The following NKAIN2 variants were observed in gnomAD, a reference collection of about 807,000 sequenced individuals.
The protein encoded by NKAIN2 is sodium/potassium transporting ATPase interacting 2, also known as sodium/potassium-transporting ATPase subunit beta-1-interacting protein 2.
NKAIN2 carries 14 observed loss-of-function variants against 32.6 expected under a neutral mutation model. The observed-to-expected ratio is 0.43, with a 90% CI of 0.28 to 0.67. The LOEUF (loss-of-function observed/expected upper bound fraction) is 0.67, where lower values mean the gene tolerates loss of function less well. Ranked by LOEUF, NKAIN2 falls within the 30% of genes least tolerant of loss-of-function variation. NKAIN2 has a pLI of 0.17. For synonymous variants in NKAIN2, 80 were observed against 87.2 expected (o/e 0.92, Z 0.46); for missense variants, 198 against 258.3 (o/e 0.77, Z 1.60).
intron 3 of NKAIN2, among the ~76,000 whole-genome samples, chr6:124,360,394 T>C (rs1799227155): frequency 1.3e-5 from 2 of 152,118 alleles, no homozygotes; most frequent in South Asian, 4.1e-4. Flanking sequence ...GAAATTATAG[T>C]AATCAACCAA....
chr6:124,194,319 T>C (rs1790195211), intron 1 of NKAIN2, among the ~76,000 whole-genome samples: 1 of 152,124 alleles, frequency 6.6e-6, no homozygotes, highest in East Asian at 1.9e-4. Flanking sequence ...GCCATACCAT[T>C]TTTTTGTGTT....
At chr6:124,616,872 A>G (rs1474989305) in intron 3 of NKAIN2, among the ~76,000 whole-genome samples, 1 of 151,934 alleles carries the variant, frequency 6.6e-6, no homozygotes, top group East Asian at 1.9e-4. Context: ...CTGTATCTTG[A>G]CATATGCGTG....
intron 1 of NKAIN2, among the ~76,000 whole-genome samples, chr6:123,979,412 A>G (rs899140214): frequency 1.3e-5 from 2 of 152,020 alleles, no homozygotes; most frequent in African/African-American, 4.8e-5. Flanking sequence ...TATCTTCCCT[A>G]TTTCAGGACT....
chr6:124,548,989 G>C (rs966363715), intron 3 of NKAIN2, among the ~76,000 whole-genome samples: 17 of 152,234 alleles, frequency 1.1e-4, no homozygotes, highest in African/African-American at 3.4e-4. Context: ...GAAAATGGAA[G>C]GTGAGGAGCT....
chr6:124,682,170 G>C (rs1049726003), intron 4 of NKAIN2, among the ~76,000 whole-genome samples: 2 of 151,700 alleles, frequency 1.3e-5, no homozygotes, highest in Admixed American at 1.3e-4. Flanking sequence ...TAGTAACACA[G>C]TTAAATGAAA....
intron 2 of NKAIN2, among the ~76,000 whole-genome samples, chr6:124,302,042 C>T (rs1423353836): frequency 1.3e-5 from 2 of 152,176 alleles, no homozygotes; most frequent in Non-Finnish European, 2.9e-5. Flanking sequence ...TCCCCCATGT[C>T]AAGGGTGGGG....
chr6:124,559,144 T>G (rs975228900), intron 3 of NKAIN2, among the ~76,000 whole-genome samples: 11 of 152,218 alleles, frequency 7.2e-5, no homozygotes, highest in Admixed American at 6.5e-4. Flanking sequence ...TTTATTGGAC[T>G]GATATGAATC....
chr6:124,640,966 G>A (rs1783964073), intron 3 of NKAIN2, among the ~76,000 whole-genome samples: 1 of 151,322 alleles, frequency 6.6e-6, no homozygotes, highest in African/African-American at 2.4e-5. Flanking sequence ...AAAATTCTTT[G>A]TATTCTAGCA....
chr6:123,890,480 C>T (rs958483442), intron 1 of NKAIN2, among the ~76,000 whole-genome samples: 8 of 151,864 alleles, frequency 5.3e-5, no homozygotes, highest in South Asian at 2.1e-4. Context: ...GCATCACCAC[C>T]GAGAGCTGGT....
At chr6:124,721,233 T>C (rs1776002992) in intron 4 of NKAIN2, among the ~76,000 whole-genome samples, 1 of 151,362 alleles carries the variant, frequency 6.6e-6, no homozygotes, top group Non-Finnish European at 1.5e-5. Flanking sequence ...TGAAACCCCG[T>C]CTCTACTAAA....
chr6:124,498,102 G>C (rs142650207), intron 3 of NKAIN2, among the ~76,000 whole-genome samples: 258 of 152,198 alleles, frequency 1.7e-3, no homozygotes, highest in African/African-American at 6.1e-3. Flanking sequence ...CATTTTTTAA[G>C]CCCAAAAGAC....
chr6:124,453,342 C>CACACACACACACAT (rs1342310482), intron 3 of NKAIN2, among the ~76,000 whole-genome samples: 2 of 117,696 alleles, frequency 1.7e-5, no homozygotes, highest in African/African-American at 5.6e-5. Context: ...CACACACACA[C>CACACACACACACAT]ACACACACAC....
At chr6:124,518,075 C>G (rs1778981186) in intron 3 of NKAIN2, among the ~76,000 whole-genome samples, 1 of 151,628 alleles carries the variant, frequency 6.6e-6, no homozygotes, top group Non-Finnish European at 1.5e-5. Context: ...ATTTTTATTT[C>G]TTTCAAAAAT....
At chr6:124,309,142 G>GT (rs1436689543) in intron 2 of NKAIN2, among the ~76,000 whole-genome samples, 1 of 152,114 alleles carries the variant, frequency 6.6e-6, no homozygotes, top group African/African-American at 2.4e-5. Context: ...ACATACTAGT[G>GT]TAACTTATAG....
chr6:124,702,298 T>C (rs1774830591), intron 4 of NKAIN2, among the ~76,000 whole-genome samples: 1 of 152,084 alleles, frequency 6.6e-6, no homozygotes, highest in South Asian at 2.1e-4. Context: ...ATCATAAATA[T>C]GAAACCTTGT....
intron 3 of NKAIN2, among the ~76,000 whole-genome samples, chr6:124,378,169 CA>C (rs1424393437): frequency 6.6e-6 from 1 of 151,990 alleles, no homozygotes; most frequent in Non-Finnish European, 1.5e-5. Flanking sequence ...CACTTCAGCC[CA>C]ATGCACTTTG....
intron 3 of NKAIN2, among the ~76,000 whole-genome samples, chr6:124,506,569 G>A (rs1422588051): frequency 6.6e-6 from 1 of 152,086 alleles, no homozygotes; most frequent in Non-Finnish European, 1.5e-5. Flanking sequence ...CAGTGATGGC[G>A]GCCAGGTTTA....
chr6:124,753,607 G>A (rs1777827330), intron 4 of NKAIN2, among the ~76,000 whole-genome samples: 3 of 152,044 alleles, frequency 2.0e-5, no homozygotes, highest in Admixed American at 2.0e-4. Context: ...CAGATTGGCA[G>A]TTGCTCAAAG....
At chr6:124,274,204 CAT>C (rs960994633) in intron 1 of NKAIN2, among the ~76,000 whole-genome samples, 6 of 152,072 alleles carry the variant, frequency 3.9e-5, no homozygotes, top group African/African-American at 1.4e-4. Flanking sequence ...ACTTTCAGTT[CAT>C]GTTTTTATCA....
Sources: gnomAD v4.1 joint callset for allele counts (sites outside exome capture counted in the v4.1 genomes callset) on GRCh38, gnomAD v4.1.1 for gene constraint, MANE v1.5 for transcripts, NCBI Gene and HGNC (gene_info 2026-07-23, HGNC 2026-07-21) for gene names.